STARD13: variants seen among roughly 807,000 people sequenced by gnomAD.
STARD13 encodes the protein StAR related lipid transfer domain containing 13.
Under a neutral mutation model 106.4 loss-of-function variants are expected in STARD13, and 62 were observed. The observed-to-expected ratio is 0.58, with a 90% CI of 0.48 to 0.72. STARD13 has a LOEUF of 0.72. Ranked by LOEUF, STARD13 falls within the 30% of genes least tolerant of loss-of-function variation. STARD13 has a pLI of 0.00. For missense variants in STARD13, 1,387 were observed against 1,424.0 expected, an observed-to-expected ratio of 0.97 and a Z score of 0.42; for synonymous variants, 565 against 553.0, an observed-to-expected ratio of 1.02 and a Z score of -0.31.
At chr13:33,577,811 CT>C in the STARD13 span, among the ~76,000 whole-genome samples, 1 of 152,048 alleles carries the variant, frequency 6.6e-6, no homozygotes, top group African/African-American at 2.4e-5. Context: ...TTGATGATGA[CT>C]TTTTAGATAC....
At chr13:33,514,835 C>T in the STARD13 span, among the ~76,000 whole-genome samples, 3 of 152,072 alleles carry the variant, frequency 2.0e-5, no homozygotes, top group Admixed American at 6.6e-5. Context: ...AAGTTTTAGA[C>T]ATACGTGGAC....
chr13:33,156,766 T>A (rs1439452154), intron 3 of STARD13, among the ~76,000 whole-genome samples: 1 of 152,204 alleles, frequency 6.6e-6, no homozygotes, highest in African/African-American at 2.4e-5. Flanking sequence ...ATATTTGCAA[T>A]ATACTTAAAT....
the STARD13 span, among the ~76,000 whole-genome samples, chr13:33,535,199 G>A: frequency 1.3e-5 from 2 of 151,936 alleles, no homozygotes. Context: ...TGGATGACAA[G>A]AGCGAAACTC....
chr13:33,136,165 G>A (rs1187619354), intron 4 of STARD13, among the ~76,000 whole-genome samples: 1 of 146,720 alleles, frequency 6.8e-6, no homozygotes, highest in East Asian at 2.0e-4. Flanking sequence ...CAGTCAAAGT[G>A]CTTGTTCAAA....
the STARD13 span, among the ~76,000 whole-genome samples, chr13:33,646,572 C>T: frequency 7.6e-3 from 1,163 of 152,206 alleles, 14 homozygotes; most frequent in African/African-American, 0.026. Flanking sequence ...GATAAAGTTG[C>T]TATTGGCTAG....
At chr13:33,401,646 G>T in the STARD13 span, among the ~76,000 whole-genome samples, 2,165 of 152,248 alleles carry the variant, frequency 0.014, 49 homozygotes, top group African/African-American at 0.048. Context: ...TTGCATCAAG[G>T]CTGGATGGCT....
At chr13:33,446,837 T>TA in the STARD13 span, among the ~76,000 whole-genome samples, 688 of 152,342 alleles carry the variant, frequency 4.5e-3, 3 homozygotes, top group African/African-American at 0.015. Context: ...CTGGTGCTAA[T>TA]AAAAAGGACT....
intron 1 of STARD13, among the ~76,000 whole-genome samples, chr13:33,295,731 G>A (rs1892464994): frequency 6.6e-6 from 1 of 152,160 alleles, no homozygotes; most frequent in Non-Finnish European, 1.5e-5. Flanking sequence ...AGACGACTAA[G>A]TCAGAACAGA....
At chr13:33,524,232 A>T in the STARD13 span, 1 of 1,274,930 alleles carries the variant, frequency 7.8e-7, no homozygotes, top group East Asian at 5.8e-5. Context: ...GAAAACTAAA[A>T]CTTACTTTAG....
chr13:33,280,517 A>G (rs191285655), intron 1 of STARD13: 23 of 152,316 alleles, frequency 1.5e-4, no homozygotes, highest in Admixed American at 1.3e-4. Flanking sequence ...CAGTAGCTGC[A>G]ATCCTTGCTA....
At chr13:33,463,054 G>A in the STARD13 span, among the ~76,000 whole-genome samples, 1 of 152,192 alleles carries the variant, frequency 6.6e-6, no homozygotes, top group Non-Finnish European at 1.5e-5. Context: ...CATATTTGGT[G>A]TCTAACTGAA....
chr13:33,390,434 G>T, the STARD13 span, among the ~76,000 whole-genome samples: 2 of 152,124 alleles, frequency 1.3e-5, no homozygotes, highest in Admixed American at 1.3e-4. Context: ...CAAGTTACTA[G>T]GAATTCCAAG....
chr13:33,600,778 CA>C, the STARD13 span, among the ~76,000 whole-genome samples: 113 of 152,254 alleles, frequency 7.4e-4, no homozygotes, highest in South Asian at 6.6e-3. Context: ...TCTGCCATTT[CA>C]TATGTGTGTG....
At chr13:33,240,920 C>T (rs1341057738) in intron 1 of STARD13, among the ~76,000 whole-genome samples, 1 of 152,116 alleles carries the variant, frequency 6.6e-6, no homozygotes, top group African/African-American at 2.4e-5. Flanking sequence ...GGTTTTGTAT[C>T]ATGCAGCTTT....
chr13:33,418,912 G>A, the STARD13 span, among the ~76,000 whole-genome samples: 1 of 152,176 alleles, frequency 6.6e-6, no homozygotes, highest in African/African-American at 2.4e-5. Flanking sequence ...GAAAGGAATA[G>A]CATCAACATC....
intron 1 of STARD13, among the ~76,000 whole-genome samples, chr13:33,314,900 G>A (rs1046722344): frequency 2.0e-5 from 3 of 152,158 alleles, no homozygotes; most frequent in African/African-American, 7.2e-5. Flanking sequence ...AATCTATGGA[G>A]AGTACATGTG....
chr13:33,245,878 A>T (rs1889800889), intron 1 of STARD13, among the ~76,000 whole-genome samples: 1 of 152,176 alleles, frequency 6.6e-6, no homozygotes, highest in Non-Finnish European at 1.5e-5. Context: ...AAAGTAATTT[A>T]TAGGGAGTTG....
chr13:33,504,490 C>A, the STARD13 span, among the ~76,000 whole-genome samples: 1 of 151,692 alleles, frequency 6.6e-6, no homozygotes, highest in African/African-American at 2.4e-5. Flanking sequence ...TCATTCTGAG[C>A]AAACTATCGC....
At chr13:33,364,197 G>A in the STARD13 span, among the ~76,000 whole-genome samples, 1 of 152,010 alleles carries the variant, frequency 6.6e-6, no homozygotes, top group Non-Finnish European at 1.5e-5. Flanking sequence ...CAGGCACAGT[G>A]ACTCAAGCCT....
Sources: gnomAD v4.1 joint callset for allele counts (sites outside exome capture counted in the v4.1 genomes callset) on GRCh38, gnomAD v4.1.1 for gene constraint, MANE v1.5 for transcripts, NCBI Gene and HGNC (gene_info 2026-07-23, HGNC 2026-07-21) for gene names.